The following NLRC4 variants were observed in gnomAD, a reference collection of about 807,000 sequenced individuals.
NLRC4 encodes the protein NLR family CARD domain-containing protein 4.
A neutral mutation model predicts 79.9 loss-of-function variants in NLRC4; 63 were observed. The ratio of observed to expected loss-of-function variants is 0.79; its 90% confidence interval spans 0.64 to 0.97. NLRC4 has a LOEUF of 0.97. NLRC4 is among the 50% of genes least tolerant of loss of function. NLRC4 has a pLI of 0.00. For synonymous variants in NLRC4, 461 were observed against 456.5 expected (o/e 1.01, Z -0.12); for missense variants, 1,074 against 1,215.2 (o/e 0.88, Z 1.73).
chr2:32,236,153 A>G (rs1686667104), intron 7 of NLRC4, 94 bp downstream of exon 7: 1 of 711,652 alleles, frequency 1.4e-6, no homozygotes, highest in Non-Finnish European at 2.4e-6. Context: ...TAAGGCACAC[A>G]TGGGTATAAA....
intron 7 of NLRC4, among the ~76,000 whole-genome samples, chr2:32,235,821 C>T (rs1171449320): frequency 6.6e-6 from 1 of 152,126 alleles, no homozygotes; most frequent in Non-Finnish European, 1.5e-5. Context: ...GGCAATCTTG[C>T]TTAATCCTGA....
chr2:32,252,125 C>T (rs1687092825), intron 3 of NLRC4, among the ~76,000 whole-genome samples: 1 of 152,168 alleles, frequency 6.6e-6, no homozygotes, highest in Non-Finnish European at 1.5e-5. Flanking sequence ...ATGCTGAGAA[C>T]CACTGCTGCA....
At chr2:32,246,933 G>A (rs575376321) in intron 4 of NLRC4, among the ~76,000 whole-genome samples, 12 of 152,158 alleles carry the variant, frequency 7.9e-5, no homozygotes, top group Middle Eastern at 3.4e-3. Context: ...GCACCATCAC[G>A]CCCAGATGAT....
chr2:32,238,505 T>A (rs940794556), intron 5 of NLRC4, among the ~76,000 whole-genome samples: 8 of 152,184 alleles, frequency 5.3e-5, no homozygotes, highest in African/African-American at 1.7e-4. Context: ...ACACAAAAAA[T>A]CACTTATATG....
chr2:32,253,257 C>A (rs1687125824), intron 2 of NLRC4, among the ~76,000 whole-genome samples: 1 of 151,702 alleles, frequency 6.6e-6, no homozygotes, highest in South Asian at 2.1e-4. Flanking sequence ...TCAAGCAATT[C>A]TCCTGCCTCC....
intron 2 of NLRC4, among the ~76,000 whole-genome samples, chr2:32,253,734 G>A (rs1687139629): frequency 6.6e-6 from 1 of 151,860 alleles, no homozygotes; most frequent in Admixed American, 6.6e-5. Context: ...GGAGGCCAAG[G>A]CGGGCGGATC....
intron 4 of NLRC4, 90 bp from the exon 5 acceptor site, chr2:32,241,215 A>G: frequency 2.5e-6 from 2 of 806,174 alleles, no homozygotes; most frequent in Non-Finnish European, 4.1e-6. Context: ...TTACCAATCA[A>G]AAGATTTTAA....
chr2:32,260,688 T>C (rs1338565459), intron 1 of NLRC4, among the ~76,000 whole-genome samples: 1 of 152,208 alleles, frequency 6.6e-6, no homozygotes, highest in African/African-American at 2.4e-5. Context: ...ATATTCAACA[T>C]GGCGGATCCA....
At position 32,236,875 on chromosome 2, in the gene NLRC4, A is replaced by C. The variant is rs556401362; in HGVS notation, c.2522-536T>G. On this transcript the variant is annotated intron_variant, in intron 6 of 8. Coordinates refer to ENST00000402280, the MANE Select transcript of NLRC4 (RefSeq NM_001199138.2). ...TAAAAAATGGATGAGAAAAAAAACAAATAGCAAAATGGCAGATTCAAATTT... is the reference window on the plus strand; with the variant it reads ...TAAAAAATGGATGAGAAAAAAAACACATAGCAAAATGGCAGATTCAAATTT... Among the ~76,000 whole-genome samples, 7 of 152,336 alleles carry C rather than the reference A, an allele frequency of 4.6e-5. No homozygotes were observed. The South Asian group carries it at 1.2e-3, about 27-fold the overall frequency.
rs530414136 is a variant in NLRC4, at chr2:32,261,561, C to T, written c.-119+3177G>A. Among the ~76,000 whole-genome samples the T allele has an allele frequency of 1.5e-3, 224 of 149,350 alleles. 1 individual carries two copies. The highest frequency in any genetic ancestry group is 5.4e-3 in the African/African-American group (219 of 40,786). ...TCCTGATCTTGTGATCTGCCTGCCT[C>T]GGCCTCCCAAAGTGCTGGGATTACA... On this transcript the variant is annotated intron_variant, in intron 1 of 8. Transcript: ENST00000402280.
At chr2:32,234,860 A>G (rs916097225) in intron 8 of NLRC4, among the ~76,000 whole-genome samples, 14 of 152,358 alleles carry the variant, frequency 9.2e-5, no homozygotes, top group Middle Eastern at 3.4e-3. Context: ...GTTTTAAGCC[A>G]TTATGTTTTG....
At chr2:32,256,331 CATTTT>C (rs1687207375) in intron 2 of NLRC4, among the ~76,000 whole-genome samples, 1 of 152,108 alleles carries the variant, frequency 6.6e-6, no homozygotes, top group Admixed American at 6.6e-5. Context: ...CTGAAGTTTA[CATTTT>C]ATTTTATTTA....
At chr2:32,243,844 A>T (rs551136839) in intron 4 of NLRC4, among the ~76,000 whole-genome samples, 22 of 152,202 alleles carry the variant, frequency 1.4e-4, no homozygotes, top group African/African-American at 4.8e-4. Flanking sequence ...TGGGCTTCAT[A>T]TAGGGAATGC....
intron 8 of NLRC4, among the ~76,000 whole-genome samples, chr2:32,226,447 G>A (rs561271931): frequency 6.6e-6 from 1 of 152,326 alleles, no homozygotes; most frequent in South Asian, 2.1e-4. Context: ...CTGCCTGACC[G>A]TGGTCAAGAT....
chr2:32,231,855 C>G (rs1686547017), intron 8 of NLRC4, among the ~76,000 whole-genome samples: 1 of 152,198 alleles, frequency 6.6e-6, no homozygotes, highest in Non-Finnish European at 1.5e-5. Context: ...CCACCACACC[C>G]AGCCTTAGTT....
chr2:32,251,491 C>G lies in NLRC4; in HGVS notation c.373G>C (p.Asp125His), dbSNP rs968351268. Residue 125 changes from aspartate (D) to histidine (H), a missense_variant, in exon 4 of 9, where the codon GAC becomes CAC. Transcript: ENST00000402280. Reference sequence around the variant, plus strand: ...GTGCTTTTCAAGTTAAAAATAATGTCAATATCTTCACCAAGGGGATAAAAG... The same window carrying G: ...GTGCTTTTCAAGTTAAAAATAATGTGAATATCTTCACCAAGGGGATAAAAG... ...LNFYPLGEDIDIIFNLKSTFT... is the reference protein window; with the variant it reads ...LNFYPLGEDIHIIFNLKSTFT... The G allele has an allele frequency of 1.9e-6, 3 of 1,613,916 alleles. No individual in the cohort carries two copies. In the African/African-American group the frequency reaches 4.0e-5, roughly 22 times the overall value.
chr2:32,265,444 G>A (rs1010736537), upstream of NLRC4: 2 of 152,352 alleles, frequency 1.3e-5, no homozygotes, highest in Admixed American at 6.6e-5. Flanking sequence ...GCCTCCCAAA[G>A]TGCTGGGATT....
At chr2:32,259,137 C>T (rs1687276912) in intron 1 of NLRC4, among the ~76,000 whole-genome samples, 1 of 151,952 alleles carries the variant, frequency 6.6e-6, no homozygotes, top group South Asian at 2.1e-4. Context: ...ACTCTGTCAC[C>T]CAGGTTGGAG....
intron 4 of NLRC4, among the ~76,000 whole-genome samples, chr2:32,243,121 A>G (rs1055338034): frequency 6.6e-6 from 1 of 151,926 alleles, no homozygotes; most frequent in African/African-American, 2.4e-5. Context: ...GAAAAGAAAG[A>G]AAATTGAGGC....
Sources: gnomAD v4.1 joint callset for allele counts (sites outside exome capture counted in the v4.1 genomes callset) on GRCh38, gnomAD v4.1.1 for gene constraint, MANE v1.5 for transcripts, NCBI Gene and HGNC (gene_info 2026-07-23, HGNC 2026-07-21) for gene names.